The following RBPJ variants were observed in gnomAD, a reference collection of about 807,000 sequenced individuals.
RBPJ encodes the protein recombining binding protein suppressor of hairless.
In RBPJ, 9 loss-of-function variants were observed where a neutral mutation model predicts 67.8. The observed-to-expected ratio is 0.13, with a 90% CI of 0.08 to 0.23. The LOEUF (loss-of-function observed/expected upper bound fraction) is 0.23, where lower values mean the gene tolerates loss of function less well. RBPJ is among the 10% of genes least tolerant of loss of function. The probability of loss-of-function intolerance (pLI) is 1.00; values close to 1 mark genes in which losing one functional copy is unlikely to be tolerated. For synonymous variants in RBPJ, 198 were observed against 203.3 expected (o/e 0.97, Z 0.22); for missense variants, 305 against 595.6 (o/e 0.51, Z 5.08).
chr4:26,195,320 T>A (rs530525623), intron 1 of RBPJ, among the ~76,000 whole-genome samples: 1 of 152,336 alleles, frequency 6.6e-6, no homozygotes, highest in African/African-American at 2.4e-5. Flanking sequence ...CAGTCTTTTA[T>A]CTATCCAGTT....
chr4:26,339,127 TTTATATTGTGTGTTTCAAATATAA>T lies in RBPJ; in HGVS notation c.20+18105_20+18128del, dbSNP rs540656546. Among the ~76,000 whole-genome samples the T allele has an allele frequency of 7.1e-3, 1,075 of 152,282 alleles. 13 individuals carry two copies. The highest frequency in any genetic ancestry group is 0.025 in the African/African-American group (1,032 of 41,546). On this transcript the variant is annotated intron_variant, in intron 1 of 10. Transcript: ENST00000355476. Reference sequence around the variant, plus strand: ...TGAGCCACTGTGCCAGCCTTATATTTTTATATTGTGTGTTTCAAATATAATTATATTGTGTGTTTCAAATATAAT... The same window carrying T: ...TGAGCCACTGTGCCAGCCTTATATTTTTATATTGTGTGTTTCAAATATAAT...
At chr4:26,209,828 C>G (rs1176694960) in intron 1 of RBPJ, among the ~76,000 whole-genome samples, 1 of 92,002 alleles carries the variant, frequency 1.1e-5, no homozygotes, top group Non-Finnish European at 2.3e-5. Flanking sequence ...CCCTCTCCCC[C>G]CTTCCTTCCT....
At chr4:26,378,999 A>G (rs191295279) in intron 1 of RBPJ, among the ~76,000 whole-genome samples, 108 of 152,238 alleles carry the variant, frequency 7.1e-4, no homozygotes, top group Admixed American at 3.7e-3. Context: ...GCACTCTAGC[A>G]TGGGCGACGG....
intron 1 of RBPJ, among the ~76,000 whole-genome samples, chr4:26,326,938 C>T: frequency 6.6e-6 from 1 of 152,184 alleles, no homozygotes. Flanking sequence ...GCATTTTAAG[C>T]AGACATATTT....
At chr4:26,187,485 G>A (rs1049535604) in intron 1 of RBPJ, among the ~76,000 whole-genome samples, 1 of 151,934 alleles carries the variant, frequency 6.6e-6, no homozygotes. Context: ...AGTATCACAA[G>A]TTATTGGTAG....
chr4:26,241,449 A>G (rs1468517853), intron 1 of RBPJ, among the ~76,000 whole-genome samples: 21 of 152,108 alleles, frequency 1.4e-4, no homozygotes, highest in Non-Finnish European at 7.4e-5. Flanking sequence ...ATACATAAGG[A>G]AAGACCATTC....
intron 1 of RBPJ, among the ~76,000 whole-genome samples, chr4:26,252,990 G>A (rs1029790300): frequency 6.6e-6 from 1 of 152,108 alleles, no homozygotes; most frequent in African/African-American, 2.4e-5. Context: ...AAACTTACAT[G>A]TTTGCTATAA....
rs536439779 is a variant in RBPJ, at chr4:26,213,212, C to T, written c.-167+49598C>T. ...CCAGAGGTCCTGAAATGACAGGACA[C>T]CTCTATCCCAGGTGGCTAGCATCAG... On this transcript the variant is annotated intron_variant, in intron 1 of 4. Transcript: ENST00000512351. Among the ~76,000 whole-genome samples the T allele has an allele frequency of 2.4e-4, 36 of 152,248 alleles. No individual in the cohort carries two copies. The South Asian group carries it at 7.0e-3, about 30-fold the overall frequency.
chr4:26,326,988 AC>A (rs1263709153), intron 1 of RBPJ, among the ~76,000 whole-genome samples: 3 of 151,986 alleles, frequency 2.0e-5, no homozygotes, highest in Non-Finnish European at 4.4e-5. Context: ...TCATTGAGTC[AC>A]CCCCAGCTTT....
At chr4:26,127,608 G>A in the RBPJ span, among the ~76,000 whole-genome samples, 1 of 152,168 alleles carries the variant, frequency 6.6e-6, no homozygotes, top group Non-Finnish European at 1.5e-5. Context: ...AGCATAAAGT[G>A]GGTGGAGTAA....
At chr4:26,389,932 A>G (rs573747102) in intron 2 of RBPJ, among the ~76,000 whole-genome samples, 36 of 152,288 alleles carry the variant, frequency 2.4e-4, no homozygotes, top group African/African-American at 8.7e-4. Context: ...CATACTTCTC[A>G]GTTCATTCTG....
Position 26,431,565 on chromosome 4 carries a change from A to T in RBPJ, c.*558A>T, listed in dbSNP as rs1313270898. The T allele has an allele frequency of 2.0e-5, 3 of 147,894 alleles. No individual in the cohort carries two copies. Among genetic ancestry groups the T allele is most frequent in the Non-Finnish European group, 4.5e-5 (3 of 67,346 alleles). The allele number at this position is 147,894 out of a possible 1,614,324, so 9.2% of individuals were successfully genotyped here. On this transcript the variant is annotated 3_prime_UTR_variant, in exon 11 of 11. Coordinates refer to ENST00000355476, the MANE Select transcript of RBPJ (RefSeq NM_015874.6). ...CCTGACCATCCTTGTTTAATCTATC[A>T]TACTCTTCCAGGTTTTTTTTTTTTG...
At chr4:26,241,454 C>G (rs73245739) in intron 1 of RBPJ, among the ~76,000 whole-genome samples, 1 of 152,110 alleles carries the variant, frequency 6.6e-6, no homozygotes, top group South Asian at 2.1e-4. Flanking sequence ...TAAGGAAAGA[C>G]CATTCAGAGC....
chr4:26,107,492 C>G, the RBPJ span, among the ~76,000 whole-genome samples: 1 of 152,250 alleles, frequency 6.6e-6, no homozygotes. Flanking sequence ...CAGCAGACTT[C>G]ACGCAAGGGT....
At chr4:26,113,764 A>G in the RBPJ span, 1 of 260,080 alleles carries the variant, frequency 3.8e-6, no homozygotes, top group Non-Finnish European at 8.4e-6. Context: ...AATGTGGGAA[A>G]ACCTTCTGTG....
At position 26,335,259 on chromosome 4, in the gene RBPJ, G is replaced by T. The variant is rs550672914; in HGVS notation, c.20+14211G>T. On this transcript the variant is annotated intron_variant, in intron 1 of 10. Coordinates refer to ENST00000355476, the MANE Select transcript of RBPJ (RefSeq NM_015874.6). ...TGCAGTGGCGTGATCTCGGCTCACT[G>T]GAACCTCCGCCTCCTGGGTTCAAGT... Among the ~76,000 whole-genome samples the T allele has an allele frequency of 5.6e-4, 85 of 152,116 alleles. 1 individual carries two copies. The highest frequency in any genetic ancestry group is 2.0e-3 in the African/African-American group (83 of 41,498).
At chr4:26,275,405 G>T (rs1396714958) in intron 1 of RBPJ, among the ~76,000 whole-genome samples, 2 of 152,174 alleles carry the variant, frequency 1.3e-5, no homozygotes, top group Non-Finnish European at 2.9e-5. Context: ...GGAGGACCTA[G>T]CATGCTATGA....
intron 1 of RBPJ, chr4:26,272,513 A>G: frequency 6.0e-6 from 2 of 331,446 alleles, no homozygotes; most frequent in South Asian, 2.6e-5. Context: ...CAAGGCTGCA[A>G]TGAGCTGTGA....
intron 1 of RBPJ, among the ~76,000 whole-genome samples, chr4:26,260,940 A>G (rs1437610185): frequency 6.6e-6 from 1 of 152,108 alleles, no homozygotes; most frequent in African/African-American, 2.4e-5. Flanking sequence ...AGAAACCATA[A>G]GTTTTTACTT....
Sources: gnomAD v4.1 joint callset for allele counts (sites outside exome capture counted in the v4.1 genomes callset) on GRCh38, gnomAD v4.1.1 for gene constraint, MANE v1.5 for transcripts, NCBI Gene and HGNC (gene_info 2026-07-23, HGNC 2026-07-21) for gene names.